The following GTF3C4 variants were observed in gnomAD, a reference collection of about 807,000 sequenced individuals.
GTF3C4 encodes general transcription factor IIIC subunit 4.
A neutral mutation model predicts 67.5 loss-of-function variants in GTF3C4; 28 were observed. The ratio of observed to expected loss-of-function variants is 0.41; its 90% CI spans 0.31 to 0.57. GTF3C4 has a LOEUF of 0.57. GTF3C4 is among the 20% of genes least tolerant of loss of function. GTF3C4 has a pLI of 0.21. For missense variants in GTF3C4, 831 were observed against 1,033.2 expected (o/e 0.80, Z 2.68); for synonymous variants, 409 against 393.0 (o/e 1.04, Z -0.48).
In GTF3C4 at chr9:132,679,821, A is replaced by G. The variant is rs199574530; in HGVS notation, c.2184+18A>G. On this transcript the variant is annotated intron_variant, in intron 2 of 4. Transcript: ENST00000372146. This position sits in a 1 kb window ranked among gnomAD's most constrained non-coding sequence, Gnocchi z 5.9. ...CTGCACGGGTAGGTGTTTATTAACA[A>G]AAACTCTGAAATTGTAAAGCCTGCT... 125 of 1,543,664 alleles carry G rather than the reference A, an allele frequency of 8.1e-5. 2 individuals are homozygous for G. In the Middle Eastern group the frequency reaches 1.6e-3, roughly 19 times the overall value.
intron 2 of GTF3C4, among the ~76,000 whole-genome samples, chr9:132,682,484 T>C: frequency 6.6e-6 from 1 of 151,650 alleles, no homozygotes; most frequent in East Asian, 1.9e-4. Context: ...AGACAACTCT[T>C]GAGGGTTGTG....
rs1836101606 is a variant in GTF3C4, at chr9:132,690,578, T to G, written c.*1633T>G. The G allele has an allele frequency of 6.6e-6, 1 of 151,850 alleles. No individual in the cohort carries two copies. Among genetic ancestry groups the G allele is most frequent in the Admixed American group, 6.6e-5 (1 of 15,236 alleles). The allele number at this position is 151,850 out of a possible 1,614,324, so 9.4% of individuals were successfully genotyped here. On this transcript the variant is annotated 3_prime_UTR_variant, in exon 5 of 5. Coordinates refer to ENST00000372146, the MANE Select transcript of GTF3C4 (RefSeq NM_012204.4). ...CAGTCTGCTCAGAAATGTTTTCTGT[T>G]TCCTATTCAAATTGCTGTTTTGTCT...
chr9:132,671,234 T>G lies in GTF3C4; in HGVS notation c.357+279T>G, dbSNP rs369279573. Among the ~76,000 whole-genome samples, 8 of 152,220 alleles carry G rather than the reference T, an allele frequency of 5.3e-5. No homozygotes were observed. In the East Asian group the frequency reaches 1.6e-3, roughly 30 times the overall value. ...GAGTTGAGTCCCAGGAACCCCTCCT[T>G]CGCCCCTCCGTCGGGCCCGCACATG... On this transcript the variant is annotated intron_variant, in intron 1 of 4. Coordinates refer to ENST00000372146, the MANE Select transcript of GTF3C4 (RefSeq NM_012204.4).
chr9:132,673,723 A>G (rs1359484619), intron 1 of GTF3C4, among the ~76,000 whole-genome samples: 1 of 152,226 alleles, frequency 6.6e-6, no homozygotes, highest in Non-Finnish European at 1.5e-5. Context: ...CTAGGTACTA[A>G]ACACCTTTGA....
chr9:132,671,406 C>T (rs982453860), intron 1 of GTF3C4, among the ~76,000 whole-genome samples: 6 of 152,224 alleles, frequency 3.9e-5, no homozygotes, highest in Non-Finnish European at 5.9e-5. Flanking sequence ...TCCTCTCGCG[C>T]CTCTTTAGCT....
chr9:132,690,934 T>C lies in GTF3C4; in HGVS notation c.*1989T>C, dbSNP rs556298090. ...TTTTGGACTGCTGCCATTTAAAACT[T>C]AGGTTTTTATTTAAAGCAGTTGTGC... On this transcript the variant is annotated 3_prime_UTR_variant, in exon 5 of 5. Transcript: ENST00000372146. The C allele has an allele frequency of 1.3e-5, 2 of 152,296 alleles. No individual in the cohort carries two copies. Among genetic ancestry groups the C allele is most frequent in the Middle Eastern group, 6.8e-3 (2 of 294 alleles). The allele number at this position is 152,296 out of a possible 1,614,324, so 9.4% of individuals were successfully genotyped here. A position where few individuals can be genotyped will look rare whatever the true frequency, so the allele number is the denominator to read the frequency against.
intron 1 of GTF3C4, among the ~76,000 whole-genome samples, chr9:132,672,916 G>A (rs1835806486): frequency 6.6e-6 from 1 of 152,210 alleles, no homozygotes; most frequent in Non-Finnish European, 1.5e-5. Context: ...CGGGCGCGGT[G>A]GCTCACGCCT....
Position 132,678,034 on chromosome 9 carries a change from C to T in GTF3C4, c.415C>T (p.Pro139Ser). 1 of 1,614,056 alleles carries T rather than the reference C, an allele frequency of 6.2e-7. No homozygotes were observed. The highest frequency in any genetic ancestry group is 8.5e-7 in the Non-Finnish European group (1 of 1,179,920). ...CKEKFAASKD[P>S]TVSQTFMLDR... Reference sequence around the variant, plus strand: ...GGAGAAATTCGCCGCCTCCAAGGACCCCACGGTCAGTCAGACTTTCATGTT... The same window carrying T: ...GGAGAAATTCGCCGCCTCCAAGGACTCCACGGTCAGTCAGACTTTCATGTT... Residue 139 changes from proline to serine, a missense_variant, in exon 2 of 5, where the codon CCC becomes TCC. Physicochemically the swap from Pro to Ser is moderately conservative, Grantham distance 74. Coordinates refer to ENST00000372146, the MANE Select transcript of GTF3C4 (RefSeq NM_012204.4). The surrounding 1 kb of genome is among the most constrained non-coding windows in gnomAD (Gnocchi z 6.5).
In GTF3C4 at chr9:132,670,844, G is replaced by A. The variant is rs764172649; in HGVS notation, c.246G>A (p.Thr82=). The A allele has an allele frequency of 5.6e-6, 9 of 1,610,936 alleles. No individual in the cohort carries two copies. The East Asian group carries it at 1.1e-4, about 20-fold the overall frequency. ...AGGACCACCGCGTGTCTGTGTCCAC[G>A]GCCCGCAGCATCGCTGTGCTGGAGC... The part of the protein sequence containing the change: ...WSEDHRVSVS[T]ARSIAVLELI... The change falls in exon 1 of 5, where the codon ACG becomes ACA. Residue 82 remains threonine, a synonymous_variant. Coordinates refer to ENST00000372146, the MANE Select transcript of GTF3C4 (RefSeq NM_012204.4).
In GTF3C4 at chr9:132,679,494, C is replaced by T; in HGVS notation, c.1875C>T (p.Gly625=). ...GNADDEQQEE[G]TSSKQVVKQG... is the part of the protein sequence containing the mutation. ...CTGACGATGAACAGCAGGAAGAAGG[C>T]ACTTCTTCCAAACAGGTGGTGAAGC... Residue 625 remains glycine (G), a synonymous_variant, in exon 2 of 5, where the codon GGC becomes GGT. Transcript: ENST00000372146. The surrounding 1 kb of genome is among the most constrained non-coding windows in gnomAD (Gnocchi z 5.9). 1 of 1,613,790 alleles carries T rather than the reference C, an allele frequency of 6.2e-7. No homozygotes were observed. Among genetic ancestry groups the T allele is most frequent in the Non-Finnish European group, 8.5e-7 (1 of 1,179,730 alleles).
chr9:132,670,549 G>A lies in GTF3C4; in HGVS notation c.-50G>A. On this transcript the variant is annotated 5_prime_UTR_variant, in exon 1 of 5. Coordinates refer to ENST00000372146, the MANE Select transcript of GTF3C4 (RefSeq NM_012204.4). ...GGCGGCGGCGGTCCGGGAGGTGGTCGCGCGACTGCGTGGAGCGCCAGGGCG... is the reference window on the plus strand; with the variant it reads ...GGCGGCGGCGGTCCGGGAGGTGGTCACGCGACTGCGTGGAGCGCCAGGGCG... 2.3e-6 allele frequency: 3 copies of A among 1,312,920 alleles called. No homozygotes were observed. The highest frequency in any genetic ancestry group is 3.0e-6 in the Non-Finnish European group (3 of 1,003,670). 81.3% of individuals were successfully genotyped at this position (1,312,920 alleles called of 1,614,324 possible).
intron 4 of GTF3C4, 76 bp downstream of exon 4, chr9:132,687,403 T>G: frequency 1.3e-6 from 1 of 748,322 alleles, no homozygotes; most frequent in Non-Finnish European, 2.4e-6. Flanking sequence ...AGAATAACAG[T>G]TCTAGTCACG....
intron 2 of GTF3C4, among the ~76,000 whole-genome samples, chr9:132,682,533 A>T (rs865845997): frequency 8.8e-5 from 7 of 79,484 alleles, no homozygotes; most frequent in African/African-American, 7.6e-4. Context: ...TGAAGTTTTA[A>T]AAAAAAAAAA....
chr9:132,676,573 G>A (rs564251556), intron 1 of GTF3C4, among the ~76,000 whole-genome samples: 9 of 150,928 alleles, frequency 6.0e-5, no homozygotes, highest in African/African-American at 1.2e-4. Flanking sequence ...CACCTACCTC[G>A]GCCTCCCAAA....
At chr9:132,677,377 G>A (rs572661207) in intron 1 of GTF3C4, among the ~76,000 whole-genome samples, 5 of 152,206 alleles carry the variant, frequency 3.3e-5, no homozygotes, top group African/African-American at 9.7e-5. Flanking sequence ...ACTCCAGCCC[G>A]GGCGACAGAA....
intron 4 of GTF3C4, among the ~76,000 whole-genome samples, chr9:132,688,507 A>AT (rs1465812488): frequency 2.0e-5 from 3 of 152,330 alleles, no homozygotes; most frequent in South Asian, 2.1e-4. Context: ...AGGGCATAGC[A>AT]TTTTTTAAAA....
chr9:132,670,673 G>A lies in GTF3C4; in HGVS notation c.75G>A (p.Glu25=). ...CGCCGTCTGGGGAGGAGGAGGGAGA[G>A]GGGGGCGGCGAGGCGGGCGGGAAGG... ...GPAPSGEEEG[E]GGGEAGGKEP... The change falls in exon 1 of 5, where the codon GAG becomes GAA. Residue 25 remains glutamate, a synonymous_variant. Coordinates refer to ENST00000372146, the MANE Select transcript of GTF3C4 (RefSeq NM_012204.4). 1 of 1,508,152 alleles carries A rather than the reference G, an allele frequency of 6.6e-7. No individual in the cohort carries two copies. 93.4% of individuals were successfully genotyped at this position (1,508,152 alleles called of 1,614,324 possible).
chr9:132,681,672 AAAGT>A (rs1835947727), intron 2 of GTF3C4, among the ~76,000 whole-genome samples: 2 of 152,114 alleles, frequency 1.3e-5, no homozygotes, highest in Non-Finnish European at 2.9e-5. Flanking sequence ...TTTATACGTA[AAAGT>A]AAGAACTTTT....
intron 3 of GTF3C4, among the ~76,000 whole-genome samples, chr9:132,684,681 C>T (rs1202572190): frequency 6.6e-6 from 1 of 152,154 alleles, no homozygotes; most frequent in East Asian, 1.9e-4. Context: ...GCGCCCTCCA[C>T]CTCAGGACGT....
Sources: allele counts gnomAD v4.1 joint callset (sites outside exome capture counted in the v4.1 genomes callset), GRCh38; gene constraint gnomAD v4.1.1; non-coding constraint Gnocchi (gnomAD v3.1); transcripts MANE v1.5; gene names NCBI Gene and HGNC (gene_info 2026-07-23, HGNC 2026-07-21).